The following ACTN4 variants were observed in gnomAD, a reference collection of about 807,000 sequenced individuals.
ACTN4 encodes the protein actinin alpha 4, also known as alpha-actinin-4.
Under a neutral mutation model 114.2 loss-of-function variants are expected in ACTN4, and 18 were observed. The ratio of observed to expected loss-of-function variants is 0.16; its 90% CI spans 0.11 to 0.23. ACTN4 has a LOEUF of 0.23. Ranked by LOEUF, ACTN4 falls within the 10% of genes least tolerant of loss-of-function variation. ACTN4 has a pLI of 1.00. For missense variants in ACTN4, 722 were observed against 1,262.9 expected (o/e 0.57, Z 6.49); for synonymous variants, 515 against 506.3 (o/e 1.02, Z -0.23).
intron 1 of ACTN4, among the ~76,000 whole-genome samples, chr19:38,682,085 C>G (rs891482619): frequency 6.6e-6 from 1 of 152,168 alleles, no homozygotes; most frequent in Non-Finnish European, 1.5e-5. Context: ...CCCACCTCAG[C>G]CTCCCAAAGT....
chr19:38,727,879 CCCCGAT>C lies in ACTN4; in HGVS notation c.2338-63_2338-58del. 6.7e-7 allele frequency: 1 copy of C among 1,496,318 alleles called. No individual in the cohort carries two copies. 92.7% of individuals were successfully genotyped at this position (1,496,318 alleles called of 1,614,324 possible). A position where few individuals can be genotyped will look rare whatever the true frequency, so the allele number is the denominator to read the frequency against. On this transcript the variant is annotated intron_variant, in intron 18 of 20. Coordinates refer to ENST00000252699, the MANE Select transcript of ACTN4 (RefSeq NM_004924.6). This position sits in a 1 kb window ranked among gnomAD's most constrained non-coding sequence, Gnocchi z 5.4. The stretch of plus-strand genomic sequence containing the variant: ...CCTTCCCCCTGCCCTCTGCATGTGA[CCCCGAT>C]CCCTCATCCTGGTCTCCACGCCGCC...
intron 12 of ACTN4, among the ~76,000 whole-genome samples, chr19:38,722,335 A>G (rs1395091694): frequency 6.6e-6 from 1 of 152,190 alleles, no homozygotes; most frequent in Non-Finnish European, 1.5e-5. Context: ...GAGGGGCAGC[A>G]GGGCTCCCAA....
intron 5 of ACTN4, among the ~76,000 whole-genome samples, chr19:38,707,654 C>G (rs1968505925): frequency 6.6e-6 from 1 of 152,170 alleles, no homozygotes; most frequent in Non-Finnish European, 1.5e-5. Context: ...TCAGGTCCGC[C>G]AGGGTGTGGA....
intron 8 of ACTN4, 34 bp downstream of exon 8, chr19:38,710,376 G>A (rs373903182): frequency 2.2e-5 from 36 of 1,603,874 alleles, no homozygotes; most frequent in Admixed American, 6.7e-5. Flanking sequence ...CCTCCTCGCC[G>A]CCACCGCGCA....
At chr19:38,685,350 T>C (rs1967709260) in intron 1 of ACTN4, among the ~76,000 whole-genome samples, 1 of 152,172 alleles carries the variant, frequency 6.6e-6, no homozygotes, top group Non-Finnish European at 1.5e-5. Context: ...CACGAATTAG[T>C]TGCCTGCTGG....
At position 38,708,177 on chromosome 19, in the gene ACTN4, G is replaced by A. The variant is rs1208012770; in HGVS notation, c.633G>A (p.Glu211=). 2 of 1,614,230 alleles carry A rather than the reference G, an allele frequency of 1.2e-6. No individual in the cohort carries two copies. Among genetic ancestry groups the A allele is most frequent in the East Asian group, 2.2e-5 (1 of 44,888 alleles). ...ACCGGCACAGACCAGAGCTGATTGA[G>A]TATGACAAGCTGAGGAAGGTGAGTG... The part of the protein sequence containing the change: ...LIHRHRPELI[E]YDKLRKDDPV... Residue 211 remains glutamate, a synonymous_variant, in exon 6 of 21, where the codon GAG becomes GAA. Coordinates refer to ENST00000252699, the MANE Select transcript of ACTN4 (RefSeq NM_004924.6).
intron 1 of ACTN4, among the ~76,000 whole-genome samples, chr19:38,658,289 T>C (rs1379916011): frequency 6.6e-6 from 1 of 152,200 alleles, no homozygotes; most frequent in African/African-American, 2.4e-5. Flanking sequence ...TCTAGGAGTT[T>C]GGAACTGGAA....
rs539902356 is a variant in ACTN4 at position 38,656,786 on chromosome 19, C to G, written c.162+8879C>G. Reference sequence around the variant, plus strand: ...TTTTATGTTTTTTAAAGTTTCCCCCCCAAAGGTGTGGGGCTGAGTGATGTC... The same window carrying G: ...TTTTATGTTTTTTAAAGTTTCCCCCGCAAAGGTGTGGGGCTGAGTGATGTC... On this transcript the variant is annotated intron_variant, in intron 1 of 20. Coordinates refer to ENST00000252699, the MANE Select transcript of ACTN4 (RefSeq NM_004924.6). Among the ~76,000 whole-genome samples, 202 of 152,258 alleles carry G rather than the reference C, an allele frequency of 1.3e-3. 4 individuals carry two copies. The South Asian group carries it at 0.027, about 20-fold the overall frequency.
chr19:38,703,973 T>G (rs1348297732), intron 3 of ACTN4, among the ~76,000 whole-genome samples: 1 of 152,130 alleles, frequency 6.6e-6, no homozygotes, highest in African/African-American at 2.4e-5. Context: ...AGGATGCAGC[T>G]AGAGAATTCC....
chr19:38,726,493 G>A (rs942357494), intron 17 of ACTN4, among the ~76,000 whole-genome samples: 3 of 152,282 alleles, frequency 2.0e-5, no homozygotes, highest in Non-Finnish European at 4.4e-5. Flanking sequence ...AGCGGGTGCC[G>A]GGTCAGGGCA....
At chr19:38,687,942 G>A (rs1967799229) in intron 1 of ACTN4, among the ~76,000 whole-genome samples, 2 of 152,120 alleles carry the variant, frequency 1.3e-5, no homozygotes, top group South Asian at 4.1e-4. Flanking sequence ...TTAAAAATGG[G>A]CAAAGGATTC....
At chr19:38,688,870 G>A (rs1052785523) in intron 1 of ACTN4, among the ~76,000 whole-genome samples, 2 of 152,186 alleles carry the variant, frequency 1.3e-5, no homozygotes, top group African/African-American at 2.4e-5. Flanking sequence ...GTAATGTGGT[G>A]CAGCTTCTTG....
intron 3 of ACTN4, among the ~76,000 whole-genome samples, chr19:38,701,580 G>A (rs3786844): frequency 0.02 from 2,991 of 152,268 alleles, 135 homozygotes; most frequent in South Asian, 0.15. Flanking sequence ...GGGAGTGCAC[G>A]GCCAAAGGTC....
intron 1 of ACTN4, among the ~76,000 whole-genome samples, chr19:38,663,186 C>T (rs1335846061): frequency 1.3e-5 from 2 of 152,132 alleles, no homozygotes; most frequent in Non-Finnish European, 2.9e-5. Context: ...GCTGGGATTA[C>T]GGGTGTGAGC....
chr19:38,731,125 G>T lies in ACTN4; in HGVS notation c.*1693G>T. ...TACTCACAGAAGATGCAGGTGAGGT[G>T]GGCCACACAGGACACGAACCGCTCG... On this transcript the variant is annotated 3_prime_UTR_variant, in exon 21 of 21. Coordinates refer to ENST00000252699, the MANE Select transcript of ACTN4 (RefSeq NM_004924.6). 1.9e-6 allele frequency: 3 copies of T among 1,612,470 alleles called. No homozygotes were observed. The highest frequency in any genetic ancestry group is 2.5e-6 in the Non-Finnish European group (3 of 1,179,748).
intron 1 of ACTN4, among the ~76,000 whole-genome samples, chr19:38,685,642 G>T (rs1390538697): frequency 6.6e-6 from 1 of 152,150 alleles, no homozygotes; most frequent in Non-Finnish European, 1.5e-5. Context: ...AGAGTAGGAA[G>T]CCCGCAGGGA....
At chr19:38,667,477 T>TA (rs1966996845) in intron 1 of ACTN4, among the ~76,000 whole-genome samples, 1 of 152,154 alleles carries the variant, frequency 6.6e-6, no homozygotes, top group Non-Finnish European at 1.5e-5. Flanking sequence ...TTTCTAAGTT[T>TA]AAAAAATCCT....
chr19:38,718,802 C>T (rs544968656), intron 11 of ACTN4, among the ~76,000 whole-genome samples: 7 of 152,228 alleles, frequency 4.6e-5, no homozygotes, highest in African/African-American at 9.6e-5. Context: ...TGTTCAGAGT[C>T]GGCTTCCCTC....
chr19:38,691,505 G>A (rs1967930284), intron 1 of ACTN4, among the ~76,000 whole-genome samples: 1 of 151,812 alleles, frequency 6.6e-6, no homozygotes, highest in Non-Finnish European at 1.5e-5. Flanking sequence ...CTGGGTTGCT[G>A]ACATTTGAGG....
Sources: allele counts gnomAD v4.1 joint callset (sites outside exome capture counted in the v4.1 genomes callset), GRCh38; gene constraint gnomAD v4.1.1; non-coding constraint Gnocchi (gnomAD v3.1); transcripts MANE v1.5; gene names NCBI Gene and HGNC (gene_info 2026-07-23, HGNC 2026-07-21).